The following TSHZ2 variants were observed in gnomAD, a reference collection of about 807,000 sequenced individuals.
TSHZ2 encodes teashirt zinc finger homeobox 2.
TSHZ2 carries 21 observed loss-of-function variants against 74.4 expected under a neutral mutation model. That is an observed-to-expected ratio of 0.28 (90% confidence interval 0.20 to 0.41). TSHZ2 has a LOEUF of 0.41. Among genes scored for constraint, TSHZ2 ranks in the 10% least tolerant of loss-of-function variants. The probability of loss-of-function intolerance (pLI) is 1.00; values close to 1 mark genes in which losing one functional copy is unlikely to be tolerated. For missense variants in TSHZ2, 1,244 were observed against 1,293.5 expected (o/e 0.96, Z 0.59); for synonymous variants, 540 against 515.3 (o/e 1.05, Z -0.65).
Position 53,454,992 on chromosome 20 carries a change from T to C in TSHZ2, c.*9-32152T>C, listed in dbSNP as rs555412321. Among the ~76,000 whole-genome samples the C allele has an allele frequency of 3.9e-5, 6 of 152,314 alleles. No homozygotes were observed. The South Asian group carries it at 1.2e-3, about 32-fold the overall frequency. On this transcript the variant is annotated intron_variant, in intron 2 of 2. Transcript: ENST00000371497. ...TCTTACCACTCCCTAATTCCTGTTT[T>C]CCTTCATGTAGTTATATTTCTTCCC... is the stretch of plus-strand genomic sequence containing the variant.
chr20:53,357,495 T>A (rs1301575101), intron 2 of TSHZ2, among the ~76,000 whole-genome samples: 4 of 151,892 alleles, frequency 2.6e-5, no homozygotes, highest in African/African-American at 9.7e-5. Flanking sequence ...TGAGACGCTG[T>A]CTCTATTTTA....
In TSHZ2 at chr20:53,288,950, C is replaced by T. The variant is rs118052608; in HGVS notation, c.*8+32379C>T. Among the ~76,000 whole-genome samples the T allele has an allele frequency of 6.4e-3, 975 of 152,218 alleles. 5 individuals carry two copies. The highest frequency in any genetic ancestry group is 0.011 in the Non-Finnish European group (753 of 68,010). On this transcript the variant is annotated intron_variant, in intron 2 of 2. Coordinates refer to ENST00000371497, the MANE Select transcript of TSHZ2 (RefSeq NM_173485.6). ...AAGTACATGGTACCCAATGTGTAGT[C>T]TTTTATCCCTCACCACCCCCCACCC...
intron 2 of TSHZ2, among the ~76,000 whole-genome samples, chr20:53,427,789 A>G (rs1257700023): frequency 6.6e-6 from 1 of 152,210 alleles, no homozygotes; most frequent in African/African-American, 2.4e-5. Context: ...GGTCTTCTCC[A>G]GTGAATCCCA....
intron 1 of TSHZ2, among the ~76,000 whole-genome samples, chr20:52,992,627 G>T (rs1271193797): frequency 8.5e-5 from 13 of 152,118 alleles, no homozygotes; most frequent in Admixed American, 7.9e-4. Context: ...TCATAATCCA[G>T]GTACAGGAAT....
intron 2 of TSHZ2, among the ~76,000 whole-genome samples, chr20:53,334,751 G>T (rs994591401): frequency 1.3e-5 from 2 of 151,892 alleles, no homozygotes; most frequent in African/African-American, 4.8e-5. Context: ...CTGGAGTGCA[G>T]TGGCGCACTG....
chr20:53,099,949 A>T (rs1986169133), intron 1 of TSHZ2, among the ~76,000 whole-genome samples: 1 of 152,118 alleles, frequency 6.6e-6, no homozygotes, highest in Non-Finnish European at 1.5e-5. Flanking sequence ...GATAATGGGG[A>T]TCTGTCTGCA....
intron 1 of TSHZ2, among the ~76,000 whole-genome samples, chr20:53,191,905 A>G (rs1200066445): frequency 6.6e-6 from 1 of 152,142 alleles, no homozygotes; most frequent in Non-Finnish European, 1.5e-5. Context: ...CTTTCTTTTC[A>G]CTTATTCTTT....
chr20:52,981,886 TA>T (rs1981582663), intron 1 of TSHZ2, among the ~76,000 whole-genome samples: 1 of 152,254 alleles, frequency 6.6e-6, no homozygotes, highest in Admixed American at 6.5e-5. Flanking sequence ...GAGTTCCTAC[TA>T]TGTGTCAGAT....
rs557914190 is a variant in TSHZ2 at position 53,342,281 on chromosome 20, A to G, written c.*8+85710A>G. The stretch of plus-strand genomic sequence containing the variant: ...CATGTCTCCTTGGGCTCTTGTTGGC[A>G]GTAATATCTTCTCAGGCTTTTTTTT... On this transcript the variant is annotated intron_variant, in intron 2 of 2. Transcript: ENST00000371497. 4.2e-5 allele frequency among the ~76,000 whole-genome samples: 6 copies of G among 144,244 alleles called. No individual in the cohort carries two copies. The East Asian group carries it at 6.1e-4, about 15-fold the overall frequency. 94.6% of individuals were successfully genotyped at this position (144,244 alleles called of 152,430 possible). A position where few individuals can be genotyped will look rare whatever the true frequency, so the allele number is the denominator to read the frequency against.
At chr20:53,001,234 G>GTGTGTGTGTGTGTGTA (rs1555813636) in intron 1 of TSHZ2, among the ~76,000 whole-genome samples, 6,383 of 137,456 alleles carry the variant, frequency 0.046, 161 homozygotes, top group East Asian at 0.068. Flanking sequence ...GTGTGTGTGT[G>GTGTGTGTGTGTGTGTA]TGTGTGTGTG....
chr20:53,289,535 A>T (rs947676269), intron 2 of TSHZ2, among the ~76,000 whole-genome samples: 68 of 152,068 alleles, frequency 4.5e-4, no homozygotes, highest in Non-Finnish European at 7.4e-5. Flanking sequence ...AATCTCATTG[A>T]GGTTTTATGT....
intron 1 of TSHZ2, among the ~76,000 whole-genome samples, chr20:53,064,006 A>G (rs1321212137): frequency 6.6e-6 from 1 of 152,212 alleles, no homozygotes; most frequent in Non-Finnish European, 1.5e-5. Context: ...GCAAATTACT[A>G]TATCTACATG....
intron 1 of TSHZ2, among the ~76,000 whole-genome samples, chr20:53,050,144 T>C (rs1358343855): frequency 1.1e-5 from 1 of 94,196 alleles, no homozygotes; most frequent in African/African-American, 3.5e-5. Flanking sequence ...TATATGTGTA[T>C]ATATATATAC....
intron 2 of TSHZ2, among the ~76,000 whole-genome samples, chr20:53,345,655 A>C (rs760114729): frequency 1.3e-5 from 2 of 152,030 alleles, no homozygotes; most frequent in Non-Finnish European, 2.9e-5. Context: ...GCACATTTGT[A>C]AATCTGATCC....
chr20:53,068,105 T>A (rs533466139), intron 1 of TSHZ2, among the ~76,000 whole-genome samples: 12 of 152,310 alleles, frequency 7.9e-5, no homozygotes, highest in Non-Finnish European at 1.8e-4. Flanking sequence ...CACCAGTCAC[T>A]GGACAAGGAC....
At chr20:53,356,999 A>G (rs1032303546) in intron 2 of TSHZ2, among the ~76,000 whole-genome samples, 2 of 152,138 alleles carry the variant, frequency 1.3e-5, no homozygotes, top group African/African-American at 2.4e-5. Flanking sequence ...CAAGGGACCT[A>G]AAGTTTGTCT....
intron 2 of TSHZ2, among the ~76,000 whole-genome samples, chr20:53,356,967 G>A (rs536162807): frequency 1.2e-4 from 19 of 152,096 alleles, no homozygotes; most frequent in Middle Eastern, 3.4e-3. Flanking sequence ...GTGTGTGTGC[G>A]CATGTGTGTG....
At chr20:53,483,466 G>C (rs1986213186) in intron 2 of TSHZ2, among the ~76,000 whole-genome samples, 1 of 152,072 alleles carries the variant, frequency 6.6e-6, no homozygotes, top group Non-Finnish European at 1.5e-5. Context: ...AGCTGTGATT[G>C]CACCACTGCA....
chr20:53,266,037 C>T (rs1018972918), intron 2 of TSHZ2, among the ~76,000 whole-genome samples: 2 of 152,002 alleles, frequency 1.3e-5, no homozygotes, highest in African/African-American at 4.8e-5. Flanking sequence ...GACTGAGGCT[C>T]GAGAGAAGAT....
Sources: allele counts gnomAD v4.1 joint callset (sites outside exome capture counted in the v4.1 genomes callset), GRCh38; gene constraint gnomAD v4.1.1; transcripts MANE v1.5; gene names NCBI Gene and HGNC (gene_info 2026-07-23, HGNC 2026-07-21).